TAS2R1: variants seen among roughly 807,000 people sequenced by gnomAD.
TAS2R1 encodes taste 2 receptor member 1, also known as taste receptor type 2 member 1.
For synonymous variants in TAS2R1, 141 were observed against 134.2 expected (o/e 1.05, Z -0.35); for missense variants, 370 against 353.4 (o/e 1.05, Z -0.38).
At chr5:9,728,043 C>A in the TAS2R1 span, among the ~76,000 whole-genome samples, 1 of 152,172 alleles carries the variant, frequency 6.6e-6, no homozygotes, top group African/African-American at 2.4e-5. Flanking sequence ...ACAGGAGAGT[C>A]TGAACTCTGA....
At chr5:9,743,793 T>C in the TAS2R1 span, among the ~76,000 whole-genome samples, 1 of 152,148 alleles carries the variant, frequency 6.6e-6, no homozygotes, top group African/African-American at 2.4e-5. Context: ...GAAAGATGTT[T>C]CTGGATGGAT....
the TAS2R1 span, among the ~76,000 whole-genome samples, chr5:9,739,815 A>G: frequency 2.6e-5 from 4 of 152,230 alleles, no homozygotes; most frequent in Non-Finnish European, 4.4e-5. Flanking sequence ...ATTTAAGATG[A>G]TCTCTAAATC....
chr5:9,753,876 C>T, the TAS2R1 span, among the ~76,000 whole-genome samples: 2,563 of 152,210 alleles, frequency 0.017, 231 homozygotes, highest in East Asian at 0.27. Flanking sequence ...GGCATTATTT[C>T]TGAGGGCTCT....
chr5:9,654,714 A>T (rs1471256336), intron 2 of TAS2R1, among the ~76,000 whole-genome samples: 4 of 152,244 alleles, frequency 2.6e-5, no homozygotes, highest in Non-Finnish European at 5.9e-5. Context: ...TTAGGTTCCC[A>T]TTGTCTCAGA....
chr5:9,667,891 C>G (rs1265671813), intron 1 of TAS2R1, among the ~76,000 whole-genome samples: 4 of 152,168 alleles, frequency 2.6e-5, no homozygotes, highest in African/African-American at 9.7e-5. Flanking sequence ...CTCCAAACAA[C>G]CGCACTAGTT....
chr5:9,634,437 T>C (rs1255536706), upstream of TAS2R1, among the ~76,000 whole-genome samples: 2 of 152,178 alleles, frequency 1.3e-5, no homozygotes, highest in African/African-American at 4.8e-5. Context: ...ATGTGGTCTC[T>C]TTTTTGGTTC....
the TAS2R1 span, among the ~76,000 whole-genome samples, chr5:9,818,941 T>C: frequency 6.6e-6 from 1 of 152,176 alleles, no homozygotes; most frequent in Non-Finnish European, 1.5e-5. Context: ...ACAGTTAATC[T>C]TCCCAGTGGG....
the TAS2R1 span, among the ~76,000 whole-genome samples, chr5:9,884,364 C>G: frequency 6.6e-6 from 1 of 151,144 alleles, no homozygotes; most frequent in African/African-American, 2.4e-5. Flanking sequence ...ATCCCAGCTA[C>G]TCGGGAGGCT....
At position 9,652,985 on chromosome 5, in the gene TAS2R1, G is replaced by C. The variant is rs1740336237; in HGVS notation, c.-81+6436C>G. Among the ~76,000 whole-genome samples, 3 of 152,122 alleles carry C rather than the reference G, an allele frequency of 2.0e-5. No individual in the cohort carries two copies. In the South Asian group the frequency reaches 6.2e-4, roughly 32 times the overall value. On this transcript the variant is annotated intron_variant, in intron 2 of 2. Transcript: ENST00000506620. The stretch of plus-strand genomic sequence containing the variant: ...GTGTGTTACCATCAGCCACCTCCAG[G>C]ATGTTTTTCACTTTGGAATCTGAAG...
the TAS2R1 span, among the ~76,000 whole-genome samples, chr5:9,783,083 T>A: frequency 6.6e-6 from 1 of 152,228 alleles, no homozygotes; most frequent in Admixed American, 6.5e-5. Context: ...CTTCATCAAA[T>A]CTCTGCAGCC....
At chr5:9,861,037 G>GGTTTTTTTTTTTTTTTTTT in the TAS2R1 span, among the ~76,000 whole-genome samples, 190 of 88,570 alleles carry the variant, frequency 2.1e-3, 1 homozygote, top group African/African-American at 7.5e-3. Flanking sequence ...GGAAGATGAG[G>GGTTTTTTTTTTTTTTTTTT]TTTTTTTTTT....
chr5:9,799,491 A>G, the TAS2R1 span, among the ~76,000 whole-genome samples: 1 of 152,188 alleles, frequency 6.6e-6, no homozygotes, highest in African/African-American at 2.4e-5. Flanking sequence ...TTATTAGAGG[A>G]CATGTTTCAG....
intron 1 of TAS2R1, among the ~76,000 whole-genome samples, chr5:9,691,887 C>A (rs551293643): frequency 2.3e-4 from 35 of 152,288 alleles, no homozygotes; most frequent in African/African-American, 7.9e-4. Context: ...CAGGTCTGGG[C>A]AGATCAGATC....
the TAS2R1 span, among the ~76,000 whole-genome samples, chr5:9,751,098 G>T: frequency 4.0e-5 from 6 of 151,006 alleles, no homozygotes; most frequent in East Asian, 1.2e-3. Context: ...TTTTAGTCTG[G>T]TTCCTTAAAT....
chr5:9,752,186 G>A, the TAS2R1 span, among the ~76,000 whole-genome samples: 1 of 152,194 alleles, frequency 6.6e-6, no homozygotes, highest in African/African-American at 2.4e-5. Flanking sequence ...CATTTTCAAA[G>A]TGTATTTAGG....
At chr5:9,697,061 G>C (rs1255958254) in intron 1 of TAS2R1, among the ~76,000 whole-genome samples, 1 of 151,790 alleles carries the variant, frequency 6.6e-6, no homozygotes, top group African/African-American at 2.4e-5. Flanking sequence ...GCACTGCACA[G>C]GAAGGAGGAC....
the TAS2R1 span, among the ~76,000 whole-genome samples, chr5:9,899,004 T>C: frequency 6.6e-6 from 1 of 152,214 alleles, no homozygotes; most frequent in Non-Finnish European, 1.5e-5. Flanking sequence ...ATCTTTAAAA[T>C]GCTAACCGTG....
chr5:9,811,641 C>A, the TAS2R1 span, among the ~76,000 whole-genome samples: 1 of 152,144 alleles, frequency 6.6e-6, no homozygotes, highest in Admixed American at 6.6e-5. Context: ...TCTTCTTCTT[C>A]TTCTGCCTAG....
intron 2 of TAS2R1, among the ~76,000 whole-genome samples, chr5:9,643,889 G>C (rs1282323332): frequency 6.6e-6 from 1 of 152,160 alleles, no homozygotes; most frequent in Non-Finnish European, 1.5e-5. Flanking sequence ...GACCTCCCCA[G>C]AGAGGAGGTG....
Sources: gnomAD v4.1 joint callset for allele counts (sites outside exome capture counted in the v4.1 genomes callset) on GRCh38, gnomAD v4.1.1 for gene constraint, MANE v1.5 for transcripts, NCBI Gene and HGNC (gene_info 2026-07-23, HGNC 2026-07-21) for gene names.